The following TATDN1 variants were observed in gnomAD, a reference collection of about 807,000 sequenced individuals.
TATDN1 encodes TatD DNase domain containing 1, also known as deoxyribonuclease TATDN1.
TATDN1 carries 40 observed loss-of-function variants against 46.4 expected under a neutral mutation model. The observed-to-expected ratio is 0.86, with a 90% CI of 0.67 to 1.12. The LOEUF is 1.12. TATDN1 is among the 50% of genes most tolerant of loss of function. The pLI, the probability that TATDN1 is intolerant of heterozygous loss-of-function variation, is 0.00. For missense variants in TATDN1, 326 were observed against 348.4 expected, an observed-to-expected ratio of 0.94 and a Z score of 0.51; for synonymous variants, 95 against 105.6, an observed-to-expected ratio of 0.90 and a Z score of 0.62.
chr8:124,516,993 A>G (rs993683720), intron 4 of TATDN1, among the ~76,000 whole-genome samples: 7 of 152,266 alleles, frequency 4.6e-5, no homozygotes, highest in African/African-American at 1.7e-4. Context: ...CAGAAGTTAC[A>G]TGGAGAGGAG....
intron 3 of TATDN1, among the ~76,000 whole-genome samples, chr8:124,520,247 G>C (rs1029860358): frequency 6.6e-6 from 1 of 151,960 alleles, no homozygotes; most frequent in Non-Finnish European, 1.5e-5. Context: ...GACCATCCTG[G>C]CCAACATGGC....
intron 1 of TATDN1, among the ~76,000 whole-genome samples, chr8:124,530,060 C>A (rs1355606003): frequency 1.3e-5 from 2 of 151,748 alleles, no homozygotes; most frequent in East Asian, 3.9e-4. Flanking sequence ...CACTGCACTC[C>A]AGCCTGGGTA....
chr8:124,536,744 T>C (rs1386862061), intron 1 of TATDN1, among the ~76,000 whole-genome samples: 1 of 152,196 alleles, frequency 6.6e-6, no homozygotes, highest in East Asian at 1.9e-4. Flanking sequence ...TAATATGATG[T>C]TTTTCAAAAT....
chr8:124,492,751 C>CAAAAA (rs397892964), intron 11 of TATDN1, among the ~76,000 whole-genome samples: 1 of 72,340 alleles, frequency 1.4e-5, no homozygotes, highest in Non-Finnish European at 2.7e-5. Context: ...AAGATGGTCT[C>CAAAAA]AAAAAAAAAA....
rs755024247 is a variant in TATDN1, at chr8:124,493,900, A to T, written c.724T>A (p.Phe242Ile). The change falls in exon 11 of 12, where the codon TTT (phenylalanine) becomes ATT (isoleucine). Residue 242 changes from phenylalanine to isoleucine, a missense_variant. By Grantham distance (21) the Phe-to-Ile change is conservative. Coordinates refer to ENST00000276692, the MANE Select transcript of TATDN1 (RefSeq NM_032026.4). ...CTTTCCCACTTCTTTTTGGTAGGAAATGCAGTTCTTATATATTTTGATCCA... is the reference window on the plus strand; with the variant it reads ...CTTTCCCACTTCTTTTTGGTAGGAATTGCAGTTCTTATATATTTTGATCCA... ...HAGSKYIRTA[F>I]PTKKKWESGH... is the part of the protein sequence containing the mutation. The T allele has an allele frequency of 3.1e-6, 5 of 1,612,640 alleles. No homozygotes were observed. In the South Asian group the frequency reaches 5.5e-5, roughly 18 times the overall value.
intron 9 of TATDN1, among the ~76,000 whole-genome samples, chr8:124,502,279 T>C (rs773090728): frequency 3.4e-5 from 5 of 149,116 alleles, no homozygotes; most frequent in Admixed American, 1.3e-4. Flanking sequence ...AGGCGGAGCC[T>C]GCAGTGAGCC....
intron 8 of TATDN1, among the ~76,000 whole-genome samples, chr8:124,504,953 C>A (rs1818287106): frequency 6.7e-6 from 1 of 150,202 alleles, no homozygotes; most frequent in African/African-American, 2.4e-5. Flanking sequence ...TGGGGTTTCT[C>A]CATGTTGGTC....
chr8:124,503,252 A>G (rs1339586516), intron 9 of TATDN1, among the ~76,000 whole-genome samples: 1 of 152,176 alleles, frequency 6.6e-6, no homozygotes, highest in Non-Finnish European at 1.5e-5. Context: ...ATGAGAATAG[A>G]CAAAGGGGAT....
chr8:124,522,146 GTTACCTT>G lies in TATDN1; in HGVS notation c.136_138+4del, dbSNP rs1385957538. Reference sequence around the variant, plus strand: ...AAATCTCAAAAATAACAAAATGGATGTTACCTTTTTAACACCAATCTCGACAGCTCTC... The same window carrying G: ...AAATCTCAAAAATAACAAAATGGATGTTTAACACCAATCTCGACAGCTCTC... On this transcript the variant is annotated splice_donor_variant and splice_donor_region_variant and coding_sequence_variant and intron_variant, in exon 3 of 12. Transcript: ENST00000276692. LOFTEE classifies it high-confidence loss of function. The G allele has an allele frequency of 1.3e-6, 2 of 1,571,676 alleles. No homozygotes were observed. Among genetic ancestry groups the G allele is most frequent in the Admixed American group, 1.8e-5 (1 of 55,236 alleles).
At chr8:124,518,604 T>A (rs1387671928) in intron 4 of TATDN1, 1 of 433,204 alleles carries the variant, frequency 2.3e-6, no homozygotes, top group Non-Finnish European at 4.1e-6. Context: ...CTTAAAATAA[T>A]CTTCATTGAG....
At chr8:124,517,891 A>G (rs1819626014) in intron 4 of TATDN1, among the ~76,000 whole-genome samples, 2 of 152,144 alleles carry the variant, frequency 1.3e-5, no homozygotes, top group Non-Finnish European at 1.5e-5. Flanking sequence ...AACACGTTAA[A>G]ACACACACAT....
At chr8:124,538,627 C>T (rs7009290) in intron 1 of TATDN1, among the ~76,000 whole-genome samples, 2 of 151,924 alleles carry the variant, frequency 1.3e-5, no homozygotes, top group Non-Finnish European at 1.5e-5. Flanking sequence ...CGAATGAATG[C>T]TTGAGTGAAT....
intron 8 of TATDN1, among the ~76,000 whole-genome samples, chr8:124,506,991 G>A (rs1389888570): frequency 1.3e-5 from 2 of 151,898 alleles, no homozygotes; most frequent in African/African-American, 4.8e-5. Context: ...GTGAAACCCC[G>A]TCTCTACTAA....
chr8:124,534,728 G>A (rs568193721), intron 1 of TATDN1, among the ~76,000 whole-genome samples: 26 of 152,240 alleles, frequency 1.7e-4, no homozygotes, highest in African/African-American at 6.0e-4. Flanking sequence ...ACATCAGACC[G>A]CAGAGGTCAA....
chr8:124,521,401 A>G (rs1415895198), intron 3 of TATDN1, among the ~76,000 whole-genome samples: 2 of 152,192 alleles, frequency 1.3e-5, no homozygotes, highest in East Asian at 1.9e-4. Flanking sequence ...GTCTGCAGAA[A>G]AGCATTGTTT....
chr8:124,508,062 G>C (rs1818666372), intron 8 of TATDN1, among the ~76,000 whole-genome samples: 1 of 152,122 alleles, frequency 6.6e-6, no homozygotes, highest in African/African-American at 2.4e-5. Context: ...GTTGACATCT[G>C]AATTAGGGGC....
chr8:124,529,174 T>C (rs1820750231), intron 1 of TATDN1, among the ~76,000 whole-genome samples: 1 of 152,210 alleles, frequency 6.6e-6, no homozygotes, highest in South Asian at 2.1e-4. Flanking sequence ...TGTTTCGGGC[T>C]CAGTCTTTGG....
chr8:124,505,004 C>T (rs1456958152), intron 8 of TATDN1, among the ~76,000 whole-genome samples: 3 of 151,282 alleles, frequency 2.0e-5, no homozygotes, highest in African/African-American at 7.3e-5. Context: ...ATTCGCCCGC[C>T]TCGGCCTCCC....
At chr8:124,497,909 A>C (rs987092302) in intron 9 of TATDN1, among the ~76,000 whole-genome samples, 2 of 152,198 alleles carry the variant, frequency 1.3e-5, no homozygotes, top group African/African-American at 4.8e-5. Context: ...CTTTCTGTCA[A>C]GTGTTGATTC....
Sources: gnomAD v4.1 joint callset for allele counts (sites outside exome capture counted in the v4.1 genomes callset) on GRCh38, gnomAD v4.1.1 for gene constraint, MANE v1.5 for transcripts, NCBI Gene and HGNC (gene_info 2026-07-23, HGNC 2026-07-21) for gene names.